WARS1: variants seen among roughly 807,000 people sequenced by gnomAD.
WARS1 encodes the protein tryptophanyl-tRNA synthetase 1.
WARS1 carries 17 observed loss-of-function variants against 47.8 expected under a neutral mutation model. The ratio of observed to expected loss-of-function variants is 0.36; its 90% CI spans 0.24 to 0.53. WARS1 has a LOEUF of 0.53. Among genes scored for constraint, WARS1 ranks in the 20% least tolerant of loss-of-function variants. The pLI, the probability that WARS1 is intolerant of heterozygous loss-of-function variation, is 0.91. For missense variants in WARS1, 434 were observed against 608.0 expected (o/e 0.71, Z 3.01); for synonymous variants, 208 against 228.1 (o/e 0.91, Z 0.79).
Position 100,334,120 on chromosome 14 carries a change from C to G in WARS1, c.*755G>C, listed in dbSNP as rs573628275. On this transcript the variant is annotated 3_prime_UTR_variant, in exon 11 of 11. Coordinates refer to ENST00000392882, the MANE Select transcript of WARS1 (RefSeq NM_004184.4). ...CGGACACAGTCAGGGGAAAAGCCAC[C>G]CTGACTCTGCAGGACAGAGGGTCTA... 2.6e-5 allele frequency: 4 copies of G among 152,658 alleles called. No individual in the cohort carries two copies. The highest frequency in any genetic ancestry group is 9.7e-5 in the African/African-American group (4 of 41,438). 9.5% of individuals were successfully genotyped at this position (152,658 alleles called of 1,614,324 possible).
chr14:100,341,665 C>A (rs1390032095), intron 9 of WARS1, among the ~76,000 whole-genome samples: 1 of 152,244 alleles, frequency 6.6e-6, no homozygotes, highest in Non-Finnish European at 1.5e-5. Context: ...AATAAGGAAG[C>A]TCAAACTAAC....
At chr14:100,360,811 A>T (rs986115871) in intron 3 of WARS1, 149 bp from the exon 4 acceptor site, 1 of 494,052 alleles carries the variant, frequency 2.0e-6, no homozygotes, top group Non-Finnish European at 3.6e-6. Context: ...CTTACCCCCA[A>T]CATGAAGTAA....
Position 100,339,407 on chromosome 14 carries a change from C to T in WARS1, c.1114-2205G>A, listed in dbSNP as rs575040287. On this transcript the variant is annotated intron_variant, in intron 9 of 10. Transcript: ENST00000392882. ...GAGATCAAGACCATCCTGGCTAACA[C>T]GGTGAAACCCCGTCTCTACCAAAAT... 6.5e-4 allele frequency among the ~76,000 whole-genome samples: 99 copies of T among 151,910 alleles called. 1 individual carries two copies. The highest frequency in any genetic ancestry group is 2.3e-3 in the South Asian group (11 of 4,796).
At chr14:100,356,320 C>G (rs1340901198) in intron 4 of WARS1, among the ~76,000 whole-genome samples, 1 of 146,172 alleles carries the variant, frequency 6.8e-6, no homozygotes, top group African/African-American at 2.5e-5. Flanking sequence ...CCATGCCATG[C>G]TAAGATAAAA....
chr14:100,374,550 T>C (rs1431514649), intron 1 of WARS1, among the ~76,000 whole-genome samples: 1 of 152,218 alleles, frequency 6.6e-6, no homozygotes, highest in South Asian at 2.1e-4. Flanking sequence ...GACTATAGAA[T>C]TGTTTAACAG....
At position 100,357,024 on chromosome 14, in the gene WARS1, G is replaced by A. The variant is rs1595441606; in HGVS notation, c.423-2458C>T. 2.0e-5 allele frequency among the ~76,000 whole-genome samples: 3 copies of A among 152,260 alleles called. No individual in the cohort carries two copies. In the South Asian group the frequency reaches 6.2e-4, roughly 32 times the overall value. ...TAAACACGCAAAAACCTATCAGTGT[G>A]ATACACCATACTAATAAAATAGAGG... On this transcript the variant is annotated intron_variant, in intron 4 of 10. Transcript: ENST00000392882.
At chr14:100,339,377 G>A (rs966209739) in intron 9 of WARS1, among the ~76,000 whole-genome samples, 1 of 152,070 alleles carries the variant, frequency 6.6e-6, no homozygotes, top group African/African-American at 2.4e-5. Flanking sequence ...AGATTACGAG[G>A]TCAGGAGATC....
chr14:100,335,847 A>G (rs1305581772), intron 10 of WARS1, among the ~76,000 whole-genome samples: 1 of 151,900 alleles, frequency 6.6e-6, no homozygotes, highest in Non-Finnish European at 1.5e-5. Flanking sequence ...CATTTGGTAG[A>G]TTTTCTTCAC....
Position 100,337,443 on chromosome 14 carries a change from G to A in WARS1, c.1114-241C>T, listed in dbSNP as rs935799166. On this transcript the variant is annotated intron_variant, in intron 9 of 10. Transcript: ENST00000392882. ...CACTGCAGGAGAGGTGGGGGCAGAT[G>A]AGCTTTGAACCCCCCATCCTCGGAG... 4.6e-5 allele frequency among the ~76,000 whole-genome samples: 7 copies of A among 152,160 alleles called. No individual in the cohort carries two copies. The South Asian group carries it at 1.0e-3, about 22-fold the overall frequency.
intron 2 of WARS1, chr14:100,365,689 G>A (rs1472074433): frequency 5.5e-6 from 1 of 180,888 alleles, no homozygotes; most frequent in Middle Eastern, 6.2e-4. Context: ...TATTGATGAT[G>A]ATATTTCTGA....
At chr14:100,342,041 A>G (rs895467748) in intron 9 of WARS1, 6 of 316,466 alleles carry the variant, frequency 1.9e-5, no homozygotes, top group Admixed American at 4.1e-5. Flanking sequence ...GATGAGAAAT[A>G]TACACAAATC....
intron 9 of WARS1, chr14:100,342,107 A>T (rs1412863286): frequency 2.5e-6 from 1 of 396,422 alleles, no homozygotes; most frequent in Non-Finnish European, 4.8e-6. Context: ...AATTGCCATG[A>T]CTTTGCCTGC....
intron 1 of WARS1, chr14:100,374,967 A>G (rs1194925127): frequency 6.6e-6 from 1 of 152,208 alleles, no homozygotes; most frequent in Non-Finnish European, 1.5e-5. Context: ...CAGGCACGAG[A>G]CACTTTTGGG....
At chr14:100,368,271 C>A in intron 2 of WARS1, 3 of 345,852 alleles carry the variant, frequency 8.7e-6, no homozygotes, top group Admixed American at 4.0e-5. Flanking sequence ...CCAGAGAAAA[C>A]AAAAGCTGGG....
At chr14:100,357,606 C>T (rs924468459) in intron 4 of WARS1, among the ~76,000 whole-genome samples, 9 of 151,874 alleles carry the variant, frequency 5.9e-5, no homozygotes, top group African/African-American at 1.5e-4. Context: ...GGATTACAGG[C>T]GCCCACCACC....
In WARS1 at chr14:100,334,715, C is replaced by T; in HGVS notation, c.*160G>A. ...TAAGAGATAGAAATAATGGAACTCA[C>T]AGGAAGAAACAGTATTGATAACATA... On this transcript the variant is annotated 3_prime_UTR_variant, in exon 11 of 11. Coordinates refer to ENST00000392882, the MANE Select transcript of WARS1 (RefSeq NM_004184.4). 4 of 740,606 alleles carry T rather than the reference C, an allele frequency of 5.4e-6. No individual in the cohort carries two copies. The highest frequency in any genetic ancestry group is 8.5e-6 in the Non-Finnish European group (4 of 471,966). 45.9% of individuals were successfully genotyped at this position (740,606 alleles called of 1,614,324 possible).
At chr14:100,350,485 C>T (rs1049428334) in intron 6 of WARS1, among the ~76,000 whole-genome samples, 3 of 150,950 alleles carry the variant, frequency 2.0e-5, no homozygotes, top group East Asian at 1.9e-4. Context: ...AGAGACAGCA[C>T]GAGGAATGGC....
At chr14:100,369,827 C>A (rs142825750) in intron 1 of WARS1, among the ~76,000 whole-genome samples, 1 of 151,894 alleles carries the variant, frequency 6.6e-6, no homozygotes, top group Non-Finnish European at 1.5e-5. Context: ...CCATGCCCAG[C>A]GAATTTTTGT....
At chr14:100,366,529 T>C (rs1035070852) in intron 2 of WARS1, 1 of 504,680 alleles carries the variant, frequency 2.0e-6, no homozygotes, top group African/African-American at 1.9e-5. Flanking sequence ...TGGAAGAAAC[T>C]GAGGTTATAA....
Sources: allele counts gnomAD v4.1 joint callset (sites outside exome capture counted in the v4.1 genomes callset), GRCh38; gene constraint gnomAD v4.1.1; transcripts MANE v1.5; gene names NCBI Gene and HGNC (gene_info 2026-07-23, HGNC 2026-07-21).